The following FAR1 variants were observed in gnomAD, a reference collection of about 807,000 sequenced individuals.
FAR1 encodes fatty acyl-CoA reductase 1, also known as male sterility domain-containing protein 2.
FAR1 carries 22 observed loss-of-function variants against 61.1 expected under a neutral mutation model. The observed-to-expected ratio is 0.36, with a 90% CI of 0.26 to 0.51. FAR1 has a LOEUF of 0.51. Among genes scored for constraint, FAR1 ranks in the 20% least tolerant of loss-of-function variants. FAR1 has a pLI of 0.95. For synonymous variants in FAR1, 206 were observed against 209.7 expected (o/e 0.98, Z 0.15); for missense variants, 359 against 626.9 (o/e 0.57, Z 4.56).
chr11:13,697,486 A>T (rs1459163680), intron 2 of FAR1, among the ~76,000 whole-genome samples: 1 of 152,086 alleles, frequency 6.6e-6, no homozygotes, highest in East Asian at 1.9e-4. Flanking sequence ...AAAATGAAGT[A>T]GTTGATCATG....
At chr11:13,722,120 G>A (rs1848616342) in intron 10 of FAR1, among the ~76,000 whole-genome samples, 1 of 151,910 alleles carries the variant, frequency 6.6e-6, no homozygotes, top group Non-Finnish European at 1.5e-5. Context: ...CCTTAATGTT[G>A]GTTTCAGAGA....
At chr11:13,722,956 C>G (rs1848628152) in intron 10 of FAR1, among the ~76,000 whole-genome samples, 1 of 151,652 alleles carries the variant, frequency 6.6e-6, no homozygotes, top group African/African-American at 2.4e-5. Flanking sequence ...GAAATATATT[C>G]AGCATACCTA....
At chr11:13,698,248 G>A (rs753984328) in intron 2 of FAR1, among the ~76,000 whole-genome samples, 46 of 152,122 alleles carry the variant, frequency 3.0e-4, no homozygotes, top group Non-Finnish European at 1.3e-4. Context: ...CTTAACAAAT[G>A]TTTAAAGTCT....
chr11:13,700,219 A>T, intron 2 of FAR1, 98 bp from the exon 3 acceptor site: 1 of 881,506 alleles, frequency 1.1e-6, no homozygotes, highest in Non-Finnish European at 1.7e-6. Flanking sequence ...TTAAGTTTCT[A>T]AAAAAATAGT....
chr11:13,711,041 T>A, intron 5 of FAR1, 171 bp downstream of exon 5: 2 of 581,016 alleles, frequency 3.4e-6, no homozygotes, highest in Non-Finnish European at 5.9e-6. Context: ...CTTTCATTTC[T>A]ATAATGTGAC....
rs149857344 is a variant in FAR1 at position 13,728,896 on chromosome 11, G to C, written c.*122G>C. 7 of 830,270 alleles carry C rather than the reference G, an allele frequency of 8.4e-6. No individual in the cohort carries two copies. The East Asian group carries it at 1.8e-4, about 21-fold the overall frequency. The allele number at this position is 830,270 out of a possible 1,614,324, so 51.4% of individuals were successfully genotyped here. A position where few individuals can be genotyped will look rare whatever the true frequency, so the allele number is the denominator to read the frequency against. On this transcript the variant is annotated 3_prime_UTR_variant, in exon 12 of 12. Transcript: ENST00000354817. ...AAACCATCTTAGATCGGAGTGTGAA[G>C]TAAATTATGGTATATTTTATGTAAC...
chr11:13,688,652 T>A (rs1848215343), intron 1 of FAR1, among the ~76,000 whole-genome samples: 1 of 152,108 alleles, frequency 6.6e-6, no homozygotes, highest in East Asian at 1.9e-4. Flanking sequence ...AATAAATTTT[T>A]ACATAAGAAA....
At chr11:13,695,573 G>A (rs537328608) in intron 2 of FAR1, among the ~76,000 whole-genome samples, 1 of 152,264 alleles carries the variant, frequency 6.6e-6, no homozygotes, top group South Asian at 2.1e-4. Context: ...TAAATAGTAA[G>A]TTGAATCGGA....
chr11:13,682,912 A>C (rs1347379050), intron 1 of FAR1, among the ~76,000 whole-genome samples: 1 of 152,018 alleles, frequency 6.6e-6, no homozygotes, highest in East Asian at 1.9e-4. Flanking sequence ...GCACTCAGCC[A>C]GTTCCCCCTT....
intron 11 of FAR1, among the ~76,000 whole-genome samples, chr11:13,728,350 C>G (rs1409553809): frequency 3.3e-5 from 5 of 151,650 alleles, no homozygotes. Context: ...TTGTAAGCAA[C>G]TAAAGATGTC....
intron 7 of FAR1, among the ~76,000 whole-genome samples, chr11:13,712,613 A>AATTTTTT (rs1848512289): frequency 6.6e-6 from 1 of 152,110 alleles, no homozygotes; most frequent in African/African-American, 2.4e-5. Context: ...AAGGAAACTT[A>AATTTTTT]GTCCATAATT....
At chr11:13,707,847 G>A in intron 3 of FAR1, 53 bp from the exon 4 acceptor site, 1 of 1,320,308 alleles carries the variant, frequency 7.6e-7, no homozygotes, top group Non-Finnish European at 1.0e-6. Context: ...TTTTTAACAG[G>A]TAAAATAACA....
chr11:13,688,255 CT>C (rs1218470555), intron 1 of FAR1, among the ~76,000 whole-genome samples: 9 of 145,288 alleles, frequency 6.2e-5, no homozygotes, highest in Admixed American at 5.5e-4. Context: ...TTTTTTTCCC[CT>C]AGGAGGAAAA....
chr11:13,727,757 G>T, intron 11 of FAR1, 74 bp downstream of exon 11: 2 of 1,376,740 alleles, frequency 1.5e-6, no homozygotes, highest in South Asian at 1.4e-5. Context: ...TGGTAAACTG[G>T]TATATTTGCT....
chr11:13,680,040 A>G (rs1447461181), intron 1 of FAR1, among the ~76,000 whole-genome samples: 1 of 152,224 alleles, frequency 6.6e-6, no homozygotes, highest in Non-Finnish European at 1.5e-5. Context: ...TTCAATGGGT[A>G]CTTACCACAG....
rs11022931 is a variant in FAR1 at position 13,679,466 on chromosome 11, C to A, written c.-8+10660C>A. Among the ~76,000 whole-genome samples the A allele has an allele frequency of 1.4e-3, 218 of 152,196 alleles. 1 individual carries two copies. The South Asian group carries it at 0.023, about 16-fold the overall frequency. ...TCTCTAACTTAACTAATTGTTAGAA[C>A]TATTTACTTTTTTGTTATTTTGGGT... On this transcript the variant is annotated intron_variant, in intron 1 of 11. Coordinates refer to ENST00000354817, the MANE Select transcript of FAR1 (RefSeq NM_032228.6).
rs1035183510 is a variant in FAR1 at position 13,668,788 on chromosome 11, C to T, written c.-26C>T. ...CTGGACGGCCAGTGGGAGAGCGAGG[C>T]CTGAGCCTCTGCGTCTAGGTGAGAA... is the stretch of plus-strand genomic sequence containing the variant. On this transcript the variant is annotated 5_prime_UTR_variant, in exon 1 of 12. Transcript: ENST00000354817. 6.5e-6 allele frequency: 1 copy of T among 154,510 alleles called. No individual in the cohort carries two copies. Among genetic ancestry groups the T allele is most frequent in the Non-Finnish European group, 1.4e-5 (1 of 69,228 alleles). 9.6% of individuals were successfully genotyped at this position (154,510 alleles called of 1,614,324 possible). A position where few individuals can be genotyped will look rare whatever the true frequency, so the allele number is the denominator to read the frequency against.
At chr11:13,711,563 T>G (rs1848499080) in intron 5 of FAR1, among the ~76,000 whole-genome samples, 1 of 152,148 alleles carries the variant, frequency 6.6e-6, no homozygotes, top group Non-Finnish European at 1.5e-5. Context: ...TGAAAATGAT[T>G]TTACTCAATT....
At chr11:13,708,447 G>GCGCGCGCGCACACA (rs139902063) in intron 4 of FAR1, among the ~76,000 whole-genome samples, 3 of 136,700 alleles carry the variant, frequency 2.2e-5, no homozygotes, top group African/African-American at 8.3e-5. Flanking sequence ...GCGCGCGCGC[G>GCGCGCGCGCACACA]CACACACACA....
Sources: allele counts gnomAD v4.1 joint callset (sites outside exome capture counted in the v4.1 genomes callset), GRCh38; gene constraint gnomAD v4.1.1; transcripts MANE v1.5; gene names NCBI Gene and HGNC (gene_info 2026-07-23, HGNC 2026-07-21).